The following OTUD7B variants were observed in gnomAD, a reference collection of about 807,000 sequenced individuals.
OTUD7B encodes OTU deubiquitinase 7B.
In OTUD7B, 34 loss-of-function variants were observed where a neutral mutation model predicts 82.2. The ratio of observed to expected loss-of-function variants is 0.41; its 90% CI spans 0.31 to 0.55. The LOEUF is 0.55. Among genes scored for constraint, OTUD7B ranks in the 20% least tolerant of loss-of-function variants. The probability of loss-of-function intolerance (pLI) is 0.20; values close to 1 mark genes in which losing one functional copy is unlikely to be tolerated. For synonymous variants in OTUD7B, 398 were observed against 402.7 expected (o/e 0.99, Z 0.14); for missense variants, 944 against 1,062.1 (o/e 0.89, Z 1.55).
the OTUD7B span, among the ~76,000 whole-genome samples, chr1:150,030,675 C>G: frequency 6.6e-6 from 1 of 152,202 alleles, no homozygotes; most frequent in Non-Finnish European, 1.5e-5. Flanking sequence ...AATCTCTCCT[C>G]TCTACTTCCT....
At position 149,967,435 on chromosome 1, in the gene OTUD7B, C is replaced by T. The variant is rs372664948; in HGVS notation, c.361G>A (p.Gly121Arg). The change falls in exon 4 of 12, where the codon GGG becomes AGG. Residue 121 changes from glycine to arginine, a missense_variant. Transcript: ENST00000581312. ...RSHVSSNGGG[G>R]GSNEHPLEMP... ...TCCAGGGGGTGCTCATTGCTCCCCCCACCCCCACCATTGGAGGAGACATGG... is the reference window on the plus strand; with the variant it reads ...TCCAGGGGGTGCTCATTGCTCCCCCTACCCCCACCATTGGAGGAGACATGG... 3.7e-6 allele frequency: 6 copies of T among 1,613,950 alleles called. No homozygotes were observed. Among genetic ancestry groups the T allele is most frequent in the East Asian group, 4.5e-5 (2 of 44,890 alleles).
upstream of OTUD7B, among the ~76,000 whole-genome samples, chr1:150,010,863 G>T (rs1460702968): frequency 6.6e-6 from 1 of 152,120 alleles, no homozygotes. Context: ...CCCAGGCTGC[G>T]GCCAGTTTGG....
chr1:149,975,203 A>C lies in OTUD7B; in HGVS notation c.85+2223T>G, dbSNP rs75441703. Among the ~76,000 whole-genome samples the C allele has an allele frequency of 6.3e-4, 96 of 152,276 alleles. 1 individual carries two copies. The East Asian group carries it at 0.018, about 28-fold the overall frequency. Reference sequence around the variant, plus strand: ...CTACTTGTCCTTCAGGGCTCAGCTTAAAAATCACTCCTCGGAAAAGGCCTT... The same window carrying C: ...CTACTTGTCCTTCAGGGCTCAGCTTCAAAATCACTCCTCGGAAAAGGCCTT... On this transcript the variant is annotated intron_variant, in intron 2 of 11. Coordinates refer to ENST00000581312, the MANE Select transcript of OTUD7B (RefSeq NM_020205.4).
intron 1 of OTUD7B, among the ~76,000 whole-genome samples, chr1:149,989,471 C>CAA (rs1158826492): frequency 0.031 from 3,495 of 112,454 alleles, 205 homozygotes; most frequent in African/African-American, 0.094. Context: ...AGACTCTGTC[C>CAA]AAAAAAAAAA....
chr1:150,034,778 T>C, the OTUD7B span, among the ~76,000 whole-genome samples: 1 of 152,212 alleles, frequency 6.6e-6, no homozygotes, highest in Non-Finnish European at 1.5e-5. Context: ...GCATAGGCTT[T>C]GACTTGTTCA....
chr1:150,026,176 T>C, the OTUD7B span, among the ~76,000 whole-genome samples: 2 of 152,204 alleles, frequency 1.3e-5, no homozygotes, highest in East Asian at 1.9e-4. Flanking sequence ...GCATACAATA[T>C]TTTGCTTACA....
chr1:149,943,805 T>C lies in OTUD7B; in HGVS notation c.*52A>G. On this transcript the variant is annotated 3_prime_UTR_variant, in exon 12 of 12. Transcript: ENST00000581312. ...GGGGACTGTGTTCTTGATGAGCCAA[T>C]TAGTTGAGCTTAACTTTGTTTAGCC... 1 of 1,544,328 alleles carries C rather than the reference T, an allele frequency of 6.5e-7. No homozygotes were observed. The highest frequency in any genetic ancestry group is 8.9e-7 in the Non-Finnish European group (1 of 1,124,188).
At chr1:150,059,991 T>C in the OTUD7B span, among the ~76,000 whole-genome samples, 1 of 152,160 alleles carries the variant, frequency 6.6e-6, no homozygotes, top group South Asian at 2.1e-4. Context: ...TTTTTAGTCA[T>C]CTCAACCATT....
At chr1:149,982,560 G>C (rs1553779957) in intron 1 of OTUD7B, among the ~76,000 whole-genome samples, 1 of 151,132 alleles carries the variant, frequency 6.6e-6, no homozygotes, top group Non-Finnish European at 1.5e-5. Context: ...CCCAGGCTCA[G>C]GCAGTCCTCC....
the OTUD7B span, among the ~76,000 whole-genome samples, chr1:150,051,244 A>G: frequency 6.6e-6 from 1 of 151,128 alleles, no homozygotes; most frequent in African/African-American, 2.4e-5. Context: ...AAAAAAAAAA[A>G]AAAAACCACC....
chr1:150,044,436 G>A, the OTUD7B span, among the ~76,000 whole-genome samples: 1 of 151,942 alleles, frequency 6.6e-6, no homozygotes, highest in Non-Finnish European at 1.5e-5. Context: ...TCGAACTCCT[G>A]ACTTCAAGTG....
intron 1 of OTUD7B, among the ~76,000 whole-genome samples, chr1:150,007,779 A>G (rs782257224): frequency 6.6e-5 from 10 of 152,254 alleles, no homozygotes; most frequent in Non-Finnish European, 1.2e-4. Flanking sequence ...TCTTCCAGTT[A>G]CACAAATTTT....
chr1:150,054,067 G>A, the OTUD7B span: 20 of 379,812 alleles, frequency 5.3e-5, no homozygotes, highest in Admixed American at 3.5e-4. Flanking sequence ...GAAAGGCCAC[G>A]TGCAAGAGGA....
intron 2 of OTUD7B, among the ~76,000 whole-genome samples, chr1:149,976,680 C>T (rs985324976): frequency 6.9e-6 from 1 of 144,390 alleles, no homozygotes; most frequent in African/African-American, 2.6e-5. Flanking sequence ...TAAACAAAAG[C>T]AGCAAAATGA....
At position 149,965,998 on chromosome 1, in the gene OTUD7B, A is replaced by C. The variant is rs140521833; in HGVS notation, c.503-120T>G. 615 of 664,110 alleles carry C rather than the reference A, an allele frequency of 9.3e-4. 1 individual carries two copies. The highest frequency in any genetic ancestry group is 1.4e-3 in the Non-Finnish European group (531 of 375,360). 41.1% of individuals were successfully genotyped at this position (664,110 alleles called of 1,614,324 possible). On this transcript the variant is annotated intron_variant, in intron 4 of 11. Coordinates refer to ENST00000581312, the MANE Select transcript of OTUD7B (RefSeq NM_020205.4). ...GAGGCCTACCCAGAATAAAACCATC[A>C]CTTGATTACTCTTTATATCTTCCTC...
At chr1:150,014,080 G>GTA (rs1553788022), upstream of OTUD7B, among the ~76,000 whole-genome samples, 1 of 27,118 alleles carries the variant, frequency 3.7e-5, no homozygotes, top group Non-Finnish European at 8.0e-5. Flanking sequence ...GTGTGTGTGT[G>GTA]TGTGTATATA....
At chr1:150,064,464 A>C in the OTUD7B span, among the ~76,000 whole-genome samples, 103 of 151,852 alleles carry the variant, frequency 6.8e-4, no homozygotes, top group African/African-American at 2.4e-3. Context: ...CTCGATTTCC[A>C]GGGCTCAAGC....
the OTUD7B span, among the ~76,000 whole-genome samples, chr1:150,019,221 G>A: frequency 3.9e-5 from 6 of 152,086 alleles, no homozygotes; most frequent in South Asian, 8.3e-4. Flanking sequence ...TACCTCTGAC[G>A]TAAACTATTG....
intron 6 of OTUD7B, chr1:149,962,272 C>CCACCAATTA (rs1415821619): frequency 6.6e-6 from 1 of 152,108 alleles, no homozygotes; most frequent in African/African-American, 2.4e-5. Context: ...TATTACTGAG[C>CCACCAATTA]CTCACCACCA....
Sources: allele counts gnomAD v4.1 joint callset (sites outside exome capture counted in the v4.1 genomes callset), GRCh38; gene constraint gnomAD v4.1.1; transcripts MANE v1.5; gene names NCBI Gene and HGNC (gene_info 2026-07-23, HGNC 2026-07-21).